Variants in ADCY2 observed in about 807,000 individuals in gnomAD.
The protein encoded by ADCY2 is adenylate cyclase 2, also known as adenylate cyclase type 2.
ADCY2 carries 31 observed loss-of-function variants against 125.2 expected under a neutral mutation model. The ratio of observed to expected loss-of-function variants is 0.25; its 90% confidence interval spans 0.19 to 0.33. The LOEUF (loss-of-function observed/expected upper bound fraction) is 0.33, where lower values mean the gene tolerates loss of function less well. ADCY2 is among the 10% of genes least tolerant of loss of function. The pLI, the probability that ADCY2 is intolerant of heterozygous loss-of-function variation, is 1.00. For synonymous variants in ADCY2, 512 were observed against 548.4 expected (o/e 0.93, Z 0.93); for missense variants, 904 against 1,418.2 (o/e 0.64, Z 5.82).
chr5:7,505,964 AT>A (rs551462663), intron 2 of ADCY2, among the ~76,000 whole-genome samples: 4,532 of 146,708 alleles, frequency 0.031, 220 homozygotes, highest in African/African-American at 0.1. Context: ...ATAACATTTT[AT>A]TTTTTTTTTT....
intron 3 of ADCY2, among the ~76,000 whole-genome samples, chr5:7,601,962 C>A (rs1030140547): frequency 3.3e-5 from 5 of 152,174 alleles, no homozygotes; most frequent in African/African-American, 9.6e-5. Context: ...GGAGGCTCTA[C>A]GGGAGGATCT....
At chr5:7,475,938 T>A (rs912064511) in intron 2 of ADCY2, among the ~76,000 whole-genome samples, 1 of 152,216 alleles carries the variant, frequency 6.6e-6, no homozygotes, top group Non-Finnish European at 1.5e-5. Flanking sequence ...ATTAAAAAAA[T>A]CTTCTCATAT....
intron 2 of ADCY2, among the ~76,000 whole-genome samples, chr5:7,467,124 T>C (rs920146270): frequency 6.6e-6 from 1 of 152,186 alleles, no homozygotes; most frequent in East Asian, 1.9e-4. Context: ...CTTAAGTGAA[T>C]TGCCAAAATG....
intron 14 of ADCY2, among the ~76,000 whole-genome samples, chr5:7,735,526 C>T (rs1474542384): frequency 6.6e-6 from 1 of 152,088 alleles, no homozygotes; most frequent in African/African-American, 2.4e-5. Context: ...TGAGTTTTTT[C>T]ATTGTGAAAT....
intron 2 of ADCY2, among the ~76,000 whole-genome samples, chr5:7,420,635 C>T (rs951074815): frequency 6.6e-6 from 1 of 152,182 alleles, no homozygotes; most frequent in African/African-American, 2.4e-5. Flanking sequence ...CAGCTGATGC[C>T]ATTCCACGTA....
intron 2 of ADCY2, among the ~76,000 whole-genome samples, chr5:7,435,777 G>A (rs1740777350): frequency 6.6e-6 from 1 of 152,192 alleles, no homozygotes; most frequent in African/African-American, 2.4e-5. Flanking sequence ...ATGCTGGGAT[G>A]TTTACATTCA....
intron 2 of ADCY2, among the ~76,000 whole-genome samples, chr5:7,488,846 G>A (rs1743043479): frequency 6.6e-6 from 1 of 151,862 alleles, no homozygotes; most frequent in Non-Finnish European, 1.5e-5. Flanking sequence ...AGATTCCTGG[G>A]AGAGGTTAAG....
In ADCY2 at chr5:7,535,061, A is replaced by T. The variant is rs1214051038; in HGVS notation, c.570+14162A>T. ...TTTTGTTTGTTTGTTTGTTTTGGAG[A>T]TGGAGTTTTGCTTTTGTCACCCAGG... On this transcript the variant is annotated intron_variant, in intron 3 of 24. Transcript: ENST00000338316. Among the ~76,000 whole-genome samples, 3 of 152,174 alleles carry T rather than the reference A, an allele frequency of 2.0e-5. No homozygotes were observed. In the East Asian group the frequency reaches 5.8e-4, roughly 29 times the overall value.
chr5:7,415,169 T>A (rs753770510), intron 2 of ADCY2, among the ~76,000 whole-genome samples: 39 of 152,200 alleles, frequency 2.6e-4, no homozygotes, highest in Non-Finnish European at 4.9e-4. Flanking sequence ...AATTTTGAAA[T>A]ATACAATACA....
rs887281454 is a variant in ADCY2 at position 7,743,846 on chromosome 5, G to T, written c.1956+94G>T. On this transcript the variant is annotated intron_variant, in intron 15 of 24. Coordinates refer to ENST00000338316, the MANE Select transcript of ADCY2 (RefSeq NM_020546.3). ...AACTTTCCAAAACAAGGAGCTTATT[G>T]CTTTACCACTTCAAGAACTCCAGAT... 4.5e-5 allele frequency: 53 copies of T among 1,184,128 alleles called. No individual in the cohort carries two copies. In the Admixed American group the frequency reaches 4.7e-4, roughly 10 times the overall value. 73.4% of individuals were successfully genotyped at this position (1,184,128 alleles called of 1,614,324 possible).
intron 3 of ADCY2, among the ~76,000 whole-genome samples, chr5:7,539,891 G>A (rs1050330271): frequency 2.6e-5 from 4 of 152,170 alleles, no homozygotes; most frequent in African/African-American, 9.7e-5. Flanking sequence ...TCCACTTTCA[G>A]GAGAATAATT....
intron 2 of ADCY2, among the ~76,000 whole-genome samples, chr5:7,429,498 A>T (rs750436579): frequency 5.3e-5 from 8 of 152,248 alleles, no homozygotes; most frequent in Non-Finnish European, 1.0e-4. Flanking sequence ...ATTTACTAAG[A>T]TAGACCATAT....
intron 4 of ADCY2, among the ~76,000 whole-genome samples, chr5:7,650,648 C>T (rs1236108279): frequency 6.6e-6 from 1 of 152,110 alleles, no homozygotes; most frequent in Non-Finnish European, 1.5e-5. Context: ...CTTGCGATTT[C>T]TGTATGTTCC....
At chr5:7,602,519 A>T (rs1737250078) in intron 3 of ADCY2, among the ~76,000 whole-genome samples, 1 of 152,126 alleles carries the variant, frequency 6.6e-6, no homozygotes, top group Non-Finnish European at 1.5e-5. Flanking sequence ...AGTTCTACCT[A>T]CAAGAAGTCT....
At chr5:7,563,747 C>T in intron 3 of ADCY2, among the ~76,000 whole-genome samples, 1 of 152,262 alleles carries the variant, frequency 6.6e-6, no homozygotes, top group African/African-American at 2.4e-5. Context: ...AGTTCCTGGC[C>T]TCAATTTTAC....
chr5:7,827,048 G>A lies in ADCY2; in HGVS notation c.*177G>A, dbSNP rs1349122106. 5 of 738,382 alleles carry A rather than the reference G, an allele frequency of 6.8e-6. No homozygotes were observed. The highest frequency in any genetic ancestry group is 2.0e-5 in the South Asian group (1 of 49,862). The allele number at this position is 738,382 out of a possible 1,614,324, so 45.7% of individuals were successfully genotyped here. On this transcript the variant is annotated 3_prime_UTR_variant, in exon 25 of 25. Coordinates refer to ENST00000338316, the MANE Select transcript of ADCY2 (RefSeq NM_020546.3). The stretch of plus-strand genomic sequence containing the variant: ...TTGGTGTCTGATGTGTGCCCAGATC[G>A]TTCTGCCACTTGCACTGTGCTTGCT...
intron 8 of ADCY2, 98 bp downstream of exon 8, chr5:7,707,000 TC>T: frequency 7.0e-7 from 1 of 1,419,330 alleles, no homozygotes; most frequent in South Asian, 1.4e-5. Context: ...TTTGATCACT[TC>T]TGTTGCCTCT....
chr5:7,552,782 G>A (rs559471101), intron 3 of ADCY2, among the ~76,000 whole-genome samples: 4 of 152,270 alleles, frequency 2.6e-5, no homozygotes, highest in African/African-American at 9.6e-5. Context: ...TGTAAAAAAG[G>A]CTATATTTTT....
At chr5:7,464,363 G>T (rs57335256) in intron 2 of ADCY2, among the ~76,000 whole-genome samples, 1,644 of 152,206 alleles carry the variant, frequency 0.011, 32 homozygotes, top group African/African-American at 0.038. Flanking sequence ...ATTCTATAAG[G>T]TGCCAAACAT....
Sources: gnomAD v4.1 joint callset for allele counts (sites outside exome capture counted in the v4.1 genomes callset) on GRCh38, gnomAD v4.1.1 for gene constraint, MANE v1.5 for transcripts, NCBI Gene and HGNC (gene_info 2026-07-23, HGNC 2026-07-21) for gene names.